The following CSMD1 variants were observed in gnomAD, a reference collection of about 807,000 sequenced individuals.
CSMD1 encodes CUB and Sushi multiple domains 1, also known as CUB and sushi domain-containing protein 1.
A neutral mutation model predicts 417.5 loss-of-function variants in CSMD1; 213 were observed. The observed-to-expected ratio is 0.51, with a 90% CI of 0.46 to 0.57. The LOEUF is 0.57. Ranked by LOEUF, CSMD1 falls within the 20% of genes least tolerant of loss-of-function variation. The pLI, the probability that CSMD1 is intolerant of heterozygous loss-of-function variation, is 0.00. For missense variants in CSMD1, 6,923 were observed against 4,529.7 expected (o/e 1.53, Z -15.17); for synonymous variants, 2,862 against 1,736.8 (o/e 1.65, Z -16.11).
At chr8:4,605,166 C>A (rs1234835454) in intron 2 of CSMD1, among the ~76,000 whole-genome samples, 1 of 152,106 alleles carries the variant, frequency 6.6e-6, no homozygotes, top group Non-Finnish European at 1.5e-5. Flanking sequence ...TCAAAAAAGA[C>A]AGAACAACTT....
At chr8:4,370,295 G>C (rs1583129) in intron 3 of CSMD1, among the ~76,000 whole-genome samples, 110,366 of 152,100 alleles carry the variant, frequency 0.73, 40,934 homozygotes, top group African/African-American at 0.9. Context: ...TGTAAGGTTT[G>C]TGCTGAAATG....
chr8:3,938,635 G>T (rs1414948268), intron 5 of CSMD1, among the ~76,000 whole-genome samples: 1 of 152,152 alleles, frequency 6.6e-6, no homozygotes, highest in Non-Finnish European at 1.5e-5. Flanking sequence ...TGCCCCAGCA[G>T]GTCACTGCAA....
At chr8:4,393,251 C>G (rs191320812) in intron 3 of CSMD1, among the ~76,000 whole-genome samples, 136 of 152,256 alleles carry the variant, frequency 8.9e-4, no homozygotes, top group African/African-American at 3.2e-3. Flanking sequence ...GCTGGGATTA[C>G]AGGCGTGAGC....
chr8:3,749,371 T>C (rs951119843), intron 6 of CSMD1, among the ~76,000 whole-genome samples: 2 of 152,180 alleles, frequency 1.3e-5, no homozygotes, highest in Non-Finnish European at 1.5e-5. Context: ...TAAAAGTGAA[T>C]AGATTTTAAG....
chr8:3,035,989 T>C (rs1043943480), intron 50 of CSMD1, among the ~76,000 whole-genome samples: 2 of 152,222 alleles, frequency 1.3e-5, no homozygotes, highest in Non-Finnish European at 2.9e-5. Flanking sequence ...ATTGACTATG[T>C]TGATATGGTT....
rs572534815 is a variant in CSMD1, at chr8:4,793,059, C to T, written c.86-155501G>A. On this transcript the variant is annotated intron_variant, in intron 1 of 69. Coordinates refer to ENST00000635120, the MANE Select transcript of CSMD1 (RefSeq NM_033225.6). ...GCCATTGCATAATTTGACATTCAAA[C>T]ATCCAAGTGGAAAATATAATATAGC... Among the ~76,000 whole-genome samples, 345 of 151,880 alleles carry T rather than the reference C, an allele frequency of 2.3e-3. 2 individuals carry two copies. Among genetic ancestry groups the T allele is most frequent in the South Asian group, 3.7e-3 (18 of 4,806 alleles).
chr8:3,680,509 G>C (rs567223471), intron 7 of CSMD1, among the ~76,000 whole-genome samples: 95 of 152,250 alleles, frequency 6.2e-4, no homozygotes, highest in Middle Eastern at 3.4e-3. Context: ...TCTCTGAATA[G>C]ACCAATAACA....
At chr8:3,010,717 T>C (rs1284790911) in intron 52 of CSMD1, among the ~76,000 whole-genome samples, 1 of 152,084 alleles carries the variant, frequency 6.6e-6, no homozygotes, top group Non-Finnish European at 1.5e-5. Flanking sequence ...TGTGCCTATA[T>C]TTCCCTTTTG....
chr8:4,086,663 T>A (rs1374523400), intron 3 of CSMD1, among the ~76,000 whole-genome samples: 1 of 152,234 alleles, frequency 6.6e-6, no homozygotes, highest in Non-Finnish European at 1.5e-5. Context: ...TTCTTTCTCA[T>A]TCATTCATCA....
chr8:4,440,492 A>C (rs906989788), intron 2 of CSMD1, among the ~76,000 whole-genome samples: 3 of 152,134 alleles, frequency 2.0e-5, no homozygotes, highest in African/African-American at 4.8e-5. Flanking sequence ...AACTGTTCTC[A>C]TTTCCCTCTA....
At chr8:4,796,076 A>T (rs2117258227) in intron 1 of CSMD1, among the ~76,000 whole-genome samples, 1 of 152,304 alleles carries the variant, frequency 6.6e-6, no homozygotes, top group Admixed American at 6.5e-5. Flanking sequence ...GGCATTACAA[A>T]GACAAGTAAA....
intron 6 of CSMD1, among the ~76,000 whole-genome samples, chr8:3,734,771 A>G (rs1796440763): frequency 6.6e-6 from 1 of 152,198 alleles, no homozygotes; most frequent in East Asian, 1.9e-4. Flanking sequence ...TTCTGTAATC[A>G]GATCTCTCTG....
intron 3 of CSMD1, among the ~76,000 whole-genome samples, chr8:4,303,717 A>G (rs933196921): frequency 2.0e-5 from 3 of 151,788 alleles, no homozygotes; most frequent in Non-Finnish European, 2.9e-5. Context: ...GCTCACTGTC[A>G]TTATCTTGGC....
chr8:4,563,665 T>C (rs185875595), intron 2 of CSMD1, among the ~76,000 whole-genome samples: 1 of 152,222 alleles, frequency 6.6e-6, no homozygotes, highest in Admixed American at 6.5e-5. Context: ...TGTAAAACTT[T>C]ACACATTACA....
chr8:3,670,050 C>G (rs1215885199), intron 7 of CSMD1, among the ~76,000 whole-genome samples: 2 of 152,060 alleles, frequency 1.3e-5, no homozygotes, highest in East Asian at 1.9e-4. Context: ...TAGGGTCTCA[C>G]AATTTGTGAT....
At chr8:3,498,322 T>C (rs1229129285) in intron 10 of CSMD1, among the ~76,000 whole-genome samples, 1 of 152,238 alleles carries the variant, frequency 6.6e-6, no homozygotes, top group African/African-American at 2.4e-5. Flanking sequence ...TTGATACATG[T>C]ATACAAAGTT....
chr8:3,244,189 C>A (rs1479893166), intron 26 of CSMD1, among the ~76,000 whole-genome samples: 1 of 152,204 alleles, frequency 6.6e-6, no homozygotes, highest in Non-Finnish European at 1.5e-5. Context: ...GTAGAATTGG[C>A]TCCTGGCTAG....
chr8:3,553,461 T>C (rs570755619), intron 10 of CSMD1, among the ~76,000 whole-genome samples: 3 of 152,298 alleles, frequency 2.0e-5, no homozygotes, highest in African/African-American at 7.2e-5. Context: ...TTCCCTACTA[T>C]GAAAAAAATT....
In CSMD1 at chr8:3,189,030, T is replaced by C. The variant is rs779643363; in HGVS notation, c.5399-19A>G. The C allele has an allele frequency of 1.2e-6, 2 of 1,603,986 alleles. No individual in the cohort carries two copies. Among genetic ancestry groups the C allele is most frequent in the Non-Finnish European group, 8.5e-7 (1 of 1,174,358 alleles). On this transcript the variant is annotated intron_variant, in intron 34 of 69. Transcript: ENST00000635120. ...CAGGGTACTAAAAGACACAACCATATGTCATGAAATAAAGTGCTGTGGGAC... is the reference window on the plus strand; with the variant it reads ...CAGGGTACTAAAAGACACAACCATACGTCATGAAATAAAGTGCTGTGGGAC...
Sources: allele counts gnomAD v4.1 joint callset (sites outside exome capture counted in the v4.1 genomes callset), GRCh38; gene constraint gnomAD v4.1.1; transcripts MANE v1.5; gene names NCBI Gene and HGNC (gene_info 2026-07-23, HGNC 2026-07-21).